Variants in RAB11FIP3 observed in about 807,000 individuals in gnomAD.
RAB11FIP3 encodes the protein RAB11 family interacting protein 3.
A neutral mutation model predicts 77.8 loss-of-function variants in RAB11FIP3; 17 were observed. The ratio of observed to expected loss-of-function variants is 0.22; its 90% CI spans 0.15 to 0.33. The LOEUF (loss-of-function observed/expected upper bound fraction) is 0.33, where lower values mean the gene tolerates loss of function less well. Among genes scored for constraint, RAB11FIP3 ranks in the 10% least tolerant of loss-of-function variants. The probability of loss-of-function intolerance (pLI) is 1.00; values close to 1 mark genes in which losing one functional copy is unlikely to be tolerated. For synonymous variants in RAB11FIP3, 437 were observed against 448.2 expected, an observed-to-expected ratio of 0.98 and a Z score of 0.31; for missense variants, 1,005 against 1,011.2, an observed-to-expected ratio of 0.99 and a Z score of 0.08.
intron 5 of RAB11FIP3, among the ~76,000 whole-genome samples, chr16:489,264 C>G (rs1175891675): frequency 6.6e-6 from 1 of 152,236 alleles, no homozygotes; most frequent in African/African-American, 2.4e-5. Context: ...TGTGTTTGCA[C>G]ACTTGGCTTG....
intron 3 of RAB11FIP3, among the ~76,000 whole-genome samples, chr16:477,292 CACTGAACCTGATGTTGTAA>C (rs1268428725): frequency 6.6e-6 from 1 of 152,040 alleles, no homozygotes; most frequent in African/African-American, 2.4e-5. Flanking sequence ...CGTACTGAAC[CACTGAACCTGATGTTGTAA>C]TAACCACACT....
chr16:426,832 G>A lies in RAB11FIP3; in HGVS notation c.714+112G>A, dbSNP rs1269994600. Reference sequence around the variant, plus strand: ...CTGGAGTCGGGAAAGGCACTGTCAAGACCTGACGGTCCTGCTTTTTCTGCT... The same window carrying A: ...CTGGAGTCGGGAAAGGCACTGTCAAAACCTGACGGTCCTGCTTTTTCTGCT... On this transcript the variant is annotated intron_variant, in intron 1 of 13. Transcript: ENST00000262305. This position sits in a 1 kb window ranked among gnomAD's most constrained non-coding sequence, Gnocchi z 5.0. 2 of 821,774 alleles carry A rather than the reference G, an allele frequency of 2.4e-6. No homozygotes were observed. Among genetic ancestry groups the A allele is most frequent in the Non-Finnish European group, 3.6e-6 (2 of 560,622 alleles). The allele number at this position is 821,774 out of a possible 1,614,324, so 50.9% of individuals were successfully genotyped here. A position where few individuals can be genotyped will look rare whatever the true frequency, so the allele number is the denominator to read the frequency against.
intron 1 of RAB11FIP3, among the ~76,000 whole-genome samples, chr16:433,255 A>G (rs1384152446): frequency 7.5e-6 from 1 of 133,808 alleles, no homozygotes; most frequent in East Asian, 2.6e-4. Context: ...CTGGTCTCGA[A>G]CTCCTGACCT....
At chr16:511,100 G>A (rs545152367) in intron 9 of RAB11FIP3, among the ~76,000 whole-genome samples, 14 of 119,568 alleles carry the variant, frequency 1.2e-4, no homozygotes, top group African/African-American at 4.5e-4. Flanking sequence ...GGTAGGAGAA[G>A]TTCCCCGACG....
chr16:464,755 T>C (rs773331533), intron 2 of RAB11FIP3, among the ~76,000 whole-genome samples: 6 of 152,062 alleles, frequency 3.9e-5, no homozygotes, highest in Non-Finnish European at 8.8e-5. Flanking sequence ...TAGTTGAGCA[T>C]TGTGGCGTAT....
At chr16:462,551 G>A (rs1271183527) in intron 2 of RAB11FIP3, among the ~76,000 whole-genome samples, 1 of 152,044 alleles carries the variant, frequency 6.6e-6, no homozygotes, top group African/African-American at 2.4e-5. Flanking sequence ...AGTTTCACCT[G>A]TCTTGAGGGT....
At chr16:444,365 C>T (rs187110780) in intron 1 of RAB11FIP3, among the ~76,000 whole-genome samples, 154 of 152,222 alleles carry the variant, frequency 1.0e-3, no homozygotes, top group Non-Finnish European at 1.7e-3. Context: ...GTGCTGAGAA[C>T]GGCTCTGAAG....
intron 3 of RAB11FIP3, among the ~76,000 whole-genome samples, chr16:480,024 C>T (rs910985034): frequency 2.0e-5 from 3 of 152,110 alleles, no homozygotes; most frequent in East Asian, 1.9e-4. Context: ...CGGTGGCTCA[C>T]GCCTGTAATC....
rs1287008954 is a variant in RAB11FIP3, at chr16:426,554, A to T, written c.548A>T (p.Gln183Leu). Residue 183 changes from glutamine (Q) to leucine (L), a missense_variant, in exon 1 of 14, where the codon CAG (glutamine) becomes CTG (leucine). Gln to Leu is a moderately radical substitution (Grantham distance 113). Coordinates refer to ENST00000262305, the MANE Select transcript of RAB11FIP3 (RefSeq NM_014700.4). The surrounding 1 kb of genome is among the most constrained non-coding windows in gnomAD (Gnocchi z 5.0). Reference sequence around the variant, plus strand: ...GAGCAAGGTCCCGGGTCCCCGCCGCAGCCCTCGGACCTCAGCCAGACCCAC... The same window carrying T: ...GAGCAAGGTCCCGGGTCCCCGCCGCTGCCCTCGGACCTCAGCCAGACCCAC... Reference protein sequence around the residue: ...ALEQGPGSPPQPSDLSQTHPL... With the variant: ...ALEQGPGSPPLPSDLSQTHPL... 1.3e-6 allele frequency: 2 copies of T among 1,583,398 alleles called. No individual in the cohort carries two copies. The highest frequency in any genetic ancestry group is 3.6e-5 in the Admixed American group (2 of 55,288).
intron 3 of RAB11FIP3, among the ~76,000 whole-genome samples, chr16:478,859 T>G (rs896633436): frequency 1.3e-5 from 2 of 152,098 alleles, no homozygotes; most frequent in Admixed American, 6.6e-5. Context: ...CCAGCTACTT[T>G]GGTGGCTGAG....
intron 1 of RAB11FIP3, among the ~76,000 whole-genome samples, chr16:447,894 T>G (rs772845062): frequency 2.0e-5 from 3 of 151,930 alleles, no homozygotes; most frequent in Non-Finnish European, 4.4e-5. Context: ...AGCTTTCAGG[T>G]CAACTAATTT....
intron 1 of RAB11FIP3, among the ~76,000 whole-genome samples, chr16:446,122 G>A (rs559710210): frequency 1.6e-4 from 25 of 152,206 alleles, no homozygotes; most frequent in African/African-American, 2.6e-4. Flanking sequence ...ATGGGGGTGC[G>A]TGTCTCAACT....
At chr16:498,841 T>G (rs2031322169) in intron 6 of RAB11FIP3, among the ~76,000 whole-genome samples, 1 of 152,142 alleles carries the variant, frequency 6.6e-6, no homozygotes, top group Admixed American at 6.6e-5. Context: ...GGCTAGGGGC[T>G]AGGGGCTAGA....
At position 426,491 on chromosome 16, in the gene RAB11FIP3, C is replaced by T. The variant is rs759731315; in HGVS notation, c.485C>T (p.Ser162Phe). Residue 162 changes from serine (S) to phenylalanine (F), a missense_variant, in exon 1 of 14, where the codon TCT (serine) becomes TTT (phenylalanine). Physicochemically the swap from Ser to Phe is radical, Grantham distance 155. Around this residue, in one of 4 missense-constraint regions of RAB11FIP3, gnomAD observed 466 missense variants for 408.3 expected, o/e 1.14. Coordinates refer to ENST00000262305, the MANE Select transcript of RAB11FIP3 (RefSeq NM_014700.4). This position sits in a 1 kb window ranked among gnomAD's most constrained non-coding sequence, Gnocchi z 5.0. The stretch of plus-strand genomic sequence containing the variant: ...GCGCGGGGCGAGGTCGACGTCTTCT[C>T]TCCCTTCCCCGCGCCCACGGCGGGC... ...HRARGEVDVF[S>F]PFPAPTAGEL... 16 of 1,580,194 alleles carry T rather than the reference C, an allele frequency of 1.0e-5. No individual in the cohort carries two copies. The African/African-American group carries it at 2.2e-4, about 21-fold the overall frequency.
intron 1 of RAB11FIP3, among the ~76,000 whole-genome samples, chr16:436,554 T>C (rs2141850745): frequency 6.6e-6 from 1 of 152,186 alleles, no homozygotes; most frequent in East Asian, 1.9e-4. Flanking sequence ...TGATCTGAGC[T>C]CACTGCAAGC....
intron 1 of RAB11FIP3, among the ~76,000 whole-genome samples, chr16:447,280 G>A (rs1285240013): frequency 2.0e-5 from 3 of 152,060 alleles, no homozygotes; most frequent in Non-Finnish European, 2.9e-5. Flanking sequence ...ACTCTAGCCT[G>A]GGCAGTAGAG....
At chr16:519,932 C>G in intron 11 of RAB11FIP3, 41 bp downstream of exon 11, 3 of 1,540,228 alleles carry the variant, frequency 1.9e-6, no homozygotes, top group Non-Finnish European at 2.6e-6. Flanking sequence ...CTGCGCCCAG[C>G]CTGCCCCACG....
chr16:425,988 C>A lies in RAB11FIP3; in HGVS notation c.-19C>A, dbSNP rs2141829020. 1.3e-5 allele frequency: 13 copies of A among 964,466 alleles called. No homozygotes were observed. Among genetic ancestry groups the A allele is most frequent in the Non-Finnish European group, 1.6e-5 (13 of 811,056 alleles). 59.7% of individuals were successfully genotyped at this position (964,466 alleles called of 1,614,324 possible). The stretch of plus-strand genomic sequence containing the variant: ...TGTCTGCCGCCCGCGCCCTTCCGCA[C>A]CACTAGCCTCTCGGGAGCATGGCGT... On this transcript the variant is annotated 5_prime_UTR_variant, in exon 1 of 14. Transcript: ENST00000262305.
intron 9 of RAB11FIP3, among the ~76,000 whole-genome samples, chr16:516,272 G>A (rs984850940): frequency 1.3e-5 from 2 of 152,226 alleles, no homozygotes; most frequent in Non-Finnish European, 2.9e-5. Flanking sequence ...AGAAGGGACG[G>A]CAGGGTAACG....
Sources: gnomAD v4.1 joint callset for allele counts (sites outside exome capture counted in the v4.1 genomes callset) on GRCh38, gnomAD v4.1.1 for gene constraint, gnomAD v4.1.1 regional missense constraint, Gnocchi (gnomAD v3.1) non-coding constraint, MANE v1.5 for transcripts, NCBI Gene and HGNC (gene_info 2026-07-23, HGNC 2026-07-21) for gene names.